LTBP2: variants seen among roughly 807,000 people sequenced by gnomAD.
LTBP2 encodes latent transforming growth factor beta binding protein 2.
Under a neutral mutation model 210.6 loss-of-function variants are expected in LTBP2, and 103 were observed. The ratio of observed to expected loss-of-function variants is 0.49; its 90% CI spans 0.42 to 0.58. The LOEUF is 0.58. LTBP2 is among the 20% of genes least tolerant of loss of function. LTBP2 has a pLI of 0.00. For synonymous variants in LTBP2, 1,007 were observed against 1,015.0 expected (o/e 0.99, Z 0.15); for missense variants, 2,313 against 2,494.5 (o/e 0.93, Z 1.55).
chr14:74,521,843 C>T (rs2087206712), intron 17 of LTBP2, 68 bp downstream of exon 17: 1 of 1,604,080 alleles, frequency 6.2e-7, no homozygotes, highest in South Asian at 1.1e-5. Flanking sequence ...GGGTGTGAAC[C>T]CCTGGTTCCT....
intron 15 of LTBP2, among the ~76,000 whole-genome samples, chr14:74,523,975 G>C (rs1351593208): frequency 6.6e-6 from 1 of 152,308 alleles, no homozygotes; most frequent in East Asian, 1.9e-4. Flanking sequence ...CAGCCTTGGG[G>C]GTTGTGGGGG....
chr14:74,503,661 C>G, intron 31 of LTBP2, 55 bp from the exon 32 acceptor site: 1 of 1,605,830 alleles, frequency 6.2e-7, no homozygotes, highest in Non-Finnish European at 8.5e-7. Flanking sequence ...CACCAACCAC[C>G]CTCAGGGAAG....
chr14:74,524,013 C>T (rs1158426530), intron 15 of LTBP2, among the ~76,000 whole-genome samples: 1 of 152,106 alleles, frequency 6.6e-6, no homozygotes, highest in Non-Finnish European at 1.5e-5. Flanking sequence ...AATGTCTGCC[C>T]AGAGGGGTGA....
At chr14:74,606,592 T>G (rs1489909658) in intron 1 of LTBP2, among the ~76,000 whole-genome samples, 2 of 152,214 alleles carry the variant, frequency 1.3e-5, no homozygotes, top group Non-Finnish European at 2.9e-5. Flanking sequence ...CTCACACCTG[T>G]AATCCCAGCA....
intron 3 of LTBP2, among the ~76,000 whole-genome samples, chr14:74,571,198 G>C (rs970258676): frequency 3.3e-5 from 5 of 152,114 alleles, no homozygotes; most frequent in African/African-American, 1.2e-4. Context: ...TGAGCATGGT[G>C]GTGGGCACCT....
intron 3 of LTBP2, among the ~76,000 whole-genome samples, chr14:74,558,825 C>T (rs1415355691): frequency 1.3e-5 from 2 of 152,062 alleles, no homozygotes; most frequent in Non-Finnish European, 2.9e-5. Flanking sequence ...CCATGTATTC[C>T]CTAGTCATAG....
intron 3 of LTBP2, among the ~76,000 whole-genome samples, chr14:74,571,457 A>G (rs1163389969): frequency 6.6e-6 from 1 of 152,244 alleles, no homozygotes; most frequent in Admixed American, 6.5e-5. Flanking sequence ...CCCAGCCTAC[A>G]GATGAGAACA....
chr14:74,502,787 T>C lies in LTBP2; in HGVS notation c.5036A>G (p.Tyr1679Cys). 1 of 1,613,752 alleles carries C rather than the reference T, an allele frequency of 6.2e-7. No individual in the cohort carries two copies. The highest frequency in any genetic ancestry group is 8.5e-7 in the Non-Finnish European group (1 of 1,179,888). The change falls in exon 34 of 36, where the codon TAC (tyrosine) becomes TGC (cysteine). Residue 1679 changes from tyrosine (Y) to cysteine (C), a missense_variant. Tyr to Cys is a radical substitution (Grantham distance 194). This residue lies in a region of LTBP2 where 443 missense variants were observed against 501.4 expected (regional missense o/e 0.88). Coordinates refer to ENST00000261978, the MANE Select transcript of LTBP2 (RefSeq NM_000428.3). ...AGGGACGGTGTCCTCGGGGCCCAGG[T>C]AGTTGTAGAAGGGGGCCCCATCTGG... Reference protein sequence around the residue: ...YGPDGAPFYNYLGPEDTVPEP... With the variant: ...YGPDGAPFYNCLGPEDTVPEP...
Position 74,612,171 on chromosome 14 carries a change from T to G in LTBP2, c.-227A>C. The G allele has an allele frequency of 2.0e-6, 1 of 507,496 alleles. No individual in the cohort carries two copies. Among genetic ancestry groups the G allele is most frequent in the Non-Finnish European group, 3.4e-6 (1 of 293,562 alleles). 31.4% of individuals were successfully genotyped at this position (507,496 alleles called of 1,614,324 possible). A position where few individuals can be genotyped will look rare whatever the true frequency, so the allele number is the denominator to read the frequency against. On this transcript the variant is annotated 5_prime_UTR_variant, in exon 1 of 36. Transcript: ENST00000261978. The stretch of plus-strand genomic sequence containing the variant: ...ACTCCAGCTGGGCTCGCACGGCTGC[T>G]GCACCTTCGCGCCTCCTCCCTGTGC...
At chr14:74,560,565 G>A (rs1355227113) in intron 3 of LTBP2, among the ~76,000 whole-genome samples, 1 of 152,236 alleles carries the variant, frequency 6.6e-6, no homozygotes, top group Non-Finnish European at 1.5e-5. Flanking sequence ...GCGATGGGAA[G>A]ACAAGTGGGC....
intron 8 of LTBP2, among the ~76,000 whole-genome samples, chr14:74,540,486 T>C (rs909607314): frequency 1.5e-4 from 22 of 148,914 alleles, no homozygotes; most frequent in Non-Finnish European, 7.4e-5. Context: ...AATAAATAAA[T>C]AAGGCGCAGT....
chr14:74,535,689 G>A lies in LTBP2; in HGVS notation c.1864+237C>T, dbSNP rs2087411345. Among the ~76,000 whole-genome samples the A allele has an allele frequency of 2.0e-5, 3 of 152,320 alleles. No individual in the cohort carries two copies. In the South Asian group the frequency reaches 6.2e-4, roughly 32 times the overall value. The stretch of plus-strand genomic sequence containing the variant: ...CCCCTAGCCTGTGTTCCAGGTGGGT[G>A]TGGGTGGAGATGGGGACGAGGGGAG... On this transcript the variant is annotated intron_variant, in intron 9 of 35. Coordinates refer to ENST00000261978, the MANE Select transcript of LTBP2 (RefSeq NM_000428.3).
chr14:74,504,955 C>A (rs765679916), intron 29 of LTBP2, 28 bp downstream of exon 29: 1 of 1,274,694 alleles, frequency 7.8e-7, no homozygotes, highest in Admixed American at 1.8e-5. Flanking sequence ...GCTGACCCTT[C>A]GAGGATCTGG....
chr14:74,580,968 T>G (rs1195283457), intron 3 of LTBP2, among the ~76,000 whole-genome samples: 2 of 151,814 alleles, frequency 1.3e-5, no homozygotes, highest in Admixed American at 1.3e-4. Flanking sequence ...AAAATAATAA[T>G]AATAATTCCA....
At chr14:74,599,381 A>C (rs1311352950) in intron 2 of LTBP2, among the ~76,000 whole-genome samples, 1 of 150,332 alleles carries the variant, frequency 6.7e-6, no homozygotes, top group Non-Finnish European at 1.5e-5. Context: ...ATAAAATGAG[A>C]AGTCTAGGGA....
At chr14:74,520,254 G>T (rs575513640) in intron 17 of LTBP2, among the ~76,000 whole-genome samples, 142 of 152,280 alleles carry the variant, frequency 9.3e-4, no homozygotes, top group Middle Eastern at 3.4e-3. Context: ...TCCTATTCAT[G>T]CTCCAACACC....
At chr14:74,606,825 G>T (rs1024930265) in intron 1 of LTBP2, among the ~76,000 whole-genome samples, 2 of 149,848 alleles carry the variant, frequency 1.3e-5, no homozygotes, top group African/African-American at 5.0e-5. Context: ...TTTGGCGACA[G>T]AGCAAGACTC....
rs35549174 is a variant in LTBP2, at chr14:74,522,800, G to A, written c.2649C>T (p.Ala883=). 1 of 1,611,058 alleles carries A rather than the reference G, an allele frequency of 6.2e-7. No homozygotes were observed. Among genetic ancestry groups the A allele is most frequent in the Admixed American group, 1.7e-5 (1 of 59,794 alleles). ...SPGYQLHPSQ[A]YCTDDNECLR... ...CACCCAAGTGAATACCTGTGCAGTA[G>A]GCCTGGCTGGGGTGCAGCTGGTAGC... Residue 883 remains alanine, a synonymous_variant, in exon 16 of 36, where the codon GCC becomes GCT. Coordinates refer to ENST00000261978, the MANE Select transcript of LTBP2 (RefSeq NM_000428.3).
At chr14:74,507,080 C>CA (rs1226722989) in intron 26 of LTBP2, 99 bp downstream of exon 26, 3 of 1,601,486 alleles carry the variant, frequency 1.9e-6, no homozygotes, top group South Asian at 1.1e-5. Context: ...CAATCAGCTG[C>CA]AAAAAATCGT....
Sources: gnomAD v4.1 joint callset for allele counts (sites outside exome capture counted in the v4.1 genomes callset) on GRCh38, gnomAD v4.1.1 for gene constraint, gnomAD v4.1.1 regional missense constraint, MANE v1.5 for transcripts, NCBI Gene and HGNC (gene_info 2026-07-23, HGNC 2026-07-21) for gene names.